Variants in CTSH observed in about 807,000 individuals in gnomAD.
CTSH encodes the protein pro-cathepsin H.
In CTSH, 52 loss-of-function variants were observed where a neutral mutation model predicts 56.3. The ratio of observed to expected loss-of-function variants is 0.92; its 90% CI spans 0.74 to 1.16. CTSH has a LOEUF of 1.16. CTSH is among the 50% of genes most tolerant of loss of function. CTSH has a pLI of 0.00. For missense variants in CTSH, 406 were observed against 424.5 expected (o/e 0.96, Z 0.38); for synonymous variants, 174 against 155.7 (o/e 1.12, Z -0.88).
At chr15:78,927,880 C>G in intron 8 of CTSH, 99 bp from the exon 9 acceptor site, 3 of 951,284 alleles carry the variant, frequency 3.2e-6, no homozygotes, top group Middle Eastern at 2.1e-4. Flanking sequence ...ACAAGATGTG[C>G]CAGGGCCTGG....
At chr15:78,931,941 A>G in intron 6 of CTSH, 1 of 1,174,082 alleles carries the variant, frequency 8.5e-7, no homozygotes, top group Non-Finnish European at 1.1e-6. Flanking sequence ...CCACAGAGGC[A>G]GGGGCTAGGA....
intron 3 of CTSH, 42 bp from the exon 4 acceptor site, chr15:78,935,792 G>C (rs1232879881): frequency 6.9e-7 from 1 of 1,439,614 alleles, no homozygotes; most frequent in African/African-American, 1.4e-5. Context: ...AATGGTTAGT[G>C]AATCACTAAT....
At chr15:78,939,715 C>G (rs1466838090) in intron 1 of CTSH, among the ~76,000 whole-genome samples, 1 of 152,194 alleles carries the variant, frequency 6.6e-6, no homozygotes, top group African/African-American at 2.4e-5. Flanking sequence ...TGGCGAAACC[C>G]TGTCTCCACA....
At chr15:78,933,495 G>C (rs1246155659) in intron 5 of CTSH, 3 of 449,572 alleles carry the variant, frequency 6.7e-6, no homozygotes, top group Non-Finnish European at 1.3e-5. Flanking sequence ...CTGCCTCCCA[G>C]GTCATCACCC....
At position 78,927,774 on chromosome 15, in the gene CTSH, T is replaced by C. The variant is rs778890691; in HGVS notation, c.638A>G (p.Tyr213Cys). 3 of 1,613,968 alleles carry C rather than the reference T, an allele frequency of 1.9e-6. No individual in the cohort carries two copies. The highest frequency in any genetic ancestry group is 2.7e-5 in the African/African-American group (2 of 74,914). ...GGCCTTTCCAGGTTGGAACTTGCAA[T>C]AACCATCCTGTTGAGGATGCAAAGG... ...DTYPYQGKDGYCKFQPGKAIG... is the reference protein window; with the variant it reads ...DTYPYQGKDGCCKFQPGKAIG... Residue 213 changes from tyrosine to cysteine, a missense_variant, in exon 9 of 12, where the codon TAT (tyrosine) becomes TGT (cysteine). Physicochemically the swap from Tyr to Cys is radical, Grantham distance 194. Transcript: ENST00000220166.
chr15:78,937,879 G>T (rs1185618834), intron 2 of CTSH: 3 of 1,120,046 alleles, frequency 2.7e-6, no homozygotes, highest in African/African-American at 3.2e-5. Flanking sequence ...ACTTTTTTTG[G>T]TAAATGTAAT....
chr15:78,943,300 G>C (rs948590330), intron 1 of CTSH, among the ~76,000 whole-genome samples: 1 of 152,080 alleles, frequency 6.6e-6, no homozygotes, highest in Admixed American at 6.5e-5. Flanking sequence ...TGTCACCCAG[G>C]CTGGAGTGAT....
rs181175135 is a variant in CTSH, at chr15:78,924,603, C to G, written c.806+731G>C. On this transcript the variant is annotated intron_variant, in intron 10 of 11. Transcript: ENST00000220166. ...TAAAGCTTGGTTTTTCTGAAGAAGC[C>G]TGGGGTGACTCCTCCAGCACAGGAT... Among the ~76,000 whole-genome samples, 1,234 of 152,202 alleles carry G rather than the reference C, an allele frequency of 8.1e-3. 5 individuals are homozygous for G. Among genetic ancestry groups the G allele is most frequent in the Non-Finnish European group, 0.014 (930 of 68,010 alleles).
intron 10 of CTSH, among the ~76,000 whole-genome samples, chr15:78,924,171 C>T (rs1473015208): frequency 7.3e-5 from 10 of 136,222 alleles, no homozygotes; most frequent in Admixed American, 4.5e-4. Context: ...CATGGAACTG[C>T]GAACCCTTCT....
intron 10 of CTSH, 63 bp downstream of exon 10, chr15:78,925,271 G>GTGTGAGGAGGCCCACCACC (rs2054878247): frequency 9.7e-7 from 1 of 1,028,852 alleles, no homozygotes; most frequent in African/African-American, 1.6e-5. Flanking sequence ...CACGAGTGGG[G>GTGTGAGGAGGCCCACCACC]TGTGAGGAGG....
chr15:78,924,172 G>A (rs1229780512), intron 10 of CTSH, among the ~76,000 whole-genome samples: 1 of 144,470 alleles, frequency 6.9e-6, no homozygotes, highest in Admixed American at 7.0e-5. Flanking sequence ...ATGGAACTGC[G>A]AACCCTTCTG....
intron 1 of CTSH, 65 bp from the exon 2 acceptor site, chr15:78,939,236 A>AGG (rs891265594): frequency 2.2e-5 from 30 of 1,347,832 alleles, no homozygotes; most frequent in Non-Finnish European, 3.0e-5. Context: ...ATAGCAAAGT[A>AGG]GGGCACTTTA....
intron 1 of CTSH, among the ~76,000 whole-genome samples, chr15:78,942,463 T>C (rs1401798002): frequency 1.3e-5 from 2 of 152,208 alleles, no homozygotes; most frequent in African/African-American, 4.8e-5. Flanking sequence ...TCCACCCACC[T>C]TGGCCTACCA....
chr15:78,935,656 T>A, intron 4 of CTSH, 24 bp downstream of exon 4: 4 of 1,579,458 alleles, frequency 2.5e-6, no homozygotes, highest in Non-Finnish European at 3.5e-6. Context: ...GGATTCAGAT[T>A]TGGTTGCAAT....
At chr15:78,933,265 C>T (rs574668137) in intron 5 of CTSH, among the ~76,000 whole-genome samples, 5 of 152,356 alleles carry the variant, frequency 3.3e-5, no homozygotes, top group Middle Eastern at 3.4e-3. Flanking sequence ...CTTCCCCTCT[C>T]GAAGCCTTGG....
chr15:78,944,872 C>A lies in CTSH; in HGVS notation c.91+19G>T, dbSNP rs532901364. 248 of 1,544,302 alleles carry A rather than the reference C, an allele frequency of 1.6e-4. 6 individuals are homozygous for A. The South Asian group carries it at 2.8e-3, about 17-fold the overall frequency. On this transcript the variant is annotated intron_variant, in intron 1 of 11. Coordinates refer to ENST00000220166, the MANE Select transcript of CTSH (RefSeq NM_004390.5). ...TAGGGCCTGCTAGCACCCTCTCGGGCGGCGCGCCCTCTGCGTACCTAAGGA... is the reference window on the plus strand; with the variant it reads ...TAGGGCCTGCTAGCACCCTCTCGGGAGGCGCGCCCTCTGCGTACCTAAGGA...
Position 78,942,163 on chromosome 15 carries a change from C to T in CTSH, c.91+2728G>A, listed in dbSNP as rs2196292. ...TTCTTCGCACTCCTTTCTGTGCATC[C>T]AATCCCATGGTGCTCTATCACTCAG... On this transcript the variant is annotated intron_variant, in intron 1 of 11. Transcript: ENST00000220166. Among the ~76,000 whole-genome samples the T allele has an allele frequency of 2.1e-3, 313 of 151,882 alleles. 2 individuals carry two copies. Among genetic ancestry groups the T allele is most frequent in the African/African-American group, 7.1e-3 (293 of 41,406 alleles).
intron 5 of CTSH, among the ~76,000 whole-genome samples, chr15:78,933,901 G>A (rs971682494): frequency 2.6e-5 from 4 of 152,268 alleles, no homozygotes; most frequent in East Asian, 3.9e-4. Flanking sequence ...ACCTCATTCC[G>A]CTCCCTTAGC....
intron 3 of CTSH, 121 bp from the exon 4 acceptor site, chr15:78,935,871 CTCCTT>C (rs2055164080): frequency 4.6e-6 from 3 of 658,070 alleles, no homozygotes; most frequent in Non-Finnish European, 7.9e-6. Flanking sequence ...TGCAACCCAT[CTCCTT>C]TAAGTTTTTG....
Sources: allele counts gnomAD v4.1 joint callset (sites outside exome capture counted in the v4.1 genomes callset), GRCh38; gene constraint gnomAD v4.1.1; transcripts MANE v1.5; gene names NCBI Gene and HGNC (gene_info 2026-07-23, HGNC 2026-07-21).